Variants in STK3 observed in about 807,000 individuals in gnomAD.
The protein encoded by STK3 is serine/threonine-protein kinase 3.
In STK3, 41 loss-of-function variants were observed where a neutral mutation model predicts 58.0. The observed-to-expected ratio is 0.71, with a 90% CI of 0.55 to 0.92. STK3 has a LOEUF of 0.92. Ranked by LOEUF, STK3 falls within the 40% of genes least tolerant of loss-of-function variation. The probability of loss-of-function intolerance (pLI) is 0.00; values close to 1 mark genes in which losing one functional copy is unlikely to be tolerated. For missense variants in STK3, 479 were observed against 602.7 expected, an observed-to-expected ratio of 0.79 and a Z score of 2.15; for synonymous variants, 170 against 191.0, an observed-to-expected ratio of 0.89 and a Z score of 0.91.
chr8:98,390,267 A>G (rs535872394), upstream of STK3, among the ~76,000 whole-genome samples: 3 of 152,050 alleles, frequency 2.0e-5, no homozygotes, highest in Non-Finnish European at 4.4e-5. Context: ...TTTTATTTTA[A>G]CCTTCATTCC....
rs565799737 is a variant in STK3 at position 98,750,598 on chromosome 8, T to TA, written c.237-1209dup. Among the ~76,000 whole-genome samples, 1,016 of 151,178 alleles carry TA rather than the reference T, an allele frequency of 6.7e-3. 8 individuals carry two copies. Among genetic ancestry groups the TA allele is most frequent in the African/African-American group, 0.023 (952 of 41,212 alleles). On this transcript the variant is annotated intron_variant, in intron 3 of 10. Coordinates refer to ENST00000419617, the MANE Select transcript of STK3 (RefSeq NM_006281.4). ...TAGCTATGCTCTAACACTGAGGCAG[T>TA]AATAAACAGCCTACCATCCAAAAAA...
At chr8:98,784,243 G>C (rs1832308938) in intron 1 of STK3, among the ~76,000 whole-genome samples, 1 of 152,188 alleles carries the variant, frequency 6.6e-6, no homozygotes, top group African/African-American at 2.4e-5. Flanking sequence ...CAACCCAGTA[G>C]CATGGCCACA....
At chr8:98,778,301 A>G (rs1244266293) in intron 1 of STK3, among the ~76,000 whole-genome samples, 1 of 152,274 alleles carries the variant, frequency 6.6e-6, no homozygotes, top group Non-Finnish European at 1.5e-5. Context: ...ACTGACCATC[A>G]GAGAAATGCA....
intron 1 of STK3, among the ~76,000 whole-genome samples, chr8:98,901,093 AT>A (rs1348526396): frequency 6.6e-6 from 1 of 152,136 alleles, no homozygotes; most frequent in Non-Finnish European, 1.5e-5. Context: ...ATTCTGGAAT[AT>A]TTTTTTCTCC....
chr8:98,509,110 T>C (rs180898524), intron 10 of STK3, among the ~76,000 whole-genome samples: 77 of 152,152 alleles, frequency 5.1e-4, no homozygotes, highest in Non-Finnish European at 8.2e-4. Flanking sequence ...AGATTCAGCA[T>C]ATGATGAAAG....
chr8:98,654,569 G>C (rs996914908), intron 6 of STK3, among the ~76,000 whole-genome samples: 3 of 152,150 alleles, frequency 2.0e-5, no homozygotes, highest in African/African-American at 7.2e-5. Context: ...TGACATGATT[G>C]GATATCTAGA....
intron 6 of STK3, among the ~76,000 whole-genome samples, chr8:98,622,226 G>C (rs896423319): frequency 1.3e-5 from 2 of 150,860 alleles, no homozygotes; most frequent in Non-Finnish European, 2.9e-5. Context: ...CTGAGATTGC[G>C]CCACTGCACT....
At chr8:98,515,962 C>T (rs1824901830) in intron 10 of STK3, among the ~76,000 whole-genome samples, 1 of 152,040 alleles carries the variant, frequency 6.6e-6, no homozygotes, top group Non-Finnish European at 1.5e-5. Context: ...ATACTAAGAT[C>T]TCAATATGTG....
At chr8:98,598,405 C>G in intron 6 of STK3, 1 of 985,312 alleles carries the variant, frequency 1.0e-6, no homozygotes, top group Non-Finnish European at 1.2e-6. Context: ...AGCATGAACA[C>G]CGAGCATACA....
intron 1 of STK3, among the ~76,000 whole-genome samples, chr8:98,795,434 C>A (rs551612105): frequency 3.3e-5 from 5 of 151,112 alleles, no homozygotes; most frequent in African/African-American, 1.2e-4. Context: ...CAGCCAACAT[C>A]ATACTGAATA....
At chr8:98,889,809 G>A (rs1322214247) in intron 1 of STK3, 1 of 152,192 alleles carries the variant, frequency 6.6e-6, no homozygotes, top group African/African-American at 2.4e-5. Flanking sequence ...TTTGGAGGGG[G>A]TCCGAAGAAT....
intron 3 of STK3, among the ~76,000 whole-genome samples, chr8:98,850,380 G>T (rs547329774): frequency 6.6e-6 from 1 of 152,276 alleles, no homozygotes; most frequent in Admixed American, 6.5e-5. Context: ...TGGGTATTGG[G>T]CTGGGACAAG....
chr8:98,834,646 T>G (rs1835682082), intron 3 of STK3, among the ~76,000 whole-genome samples: 1 of 152,226 alleles, frequency 6.6e-6, no homozygotes, highest in Admixed American at 6.5e-5. Context: ...TTCCCCCGTG[T>G]CTTCACATGG....
At chr8:98,776,124 T>A (rs1185301270) in intron 1 of STK3, among the ~76,000 whole-genome samples, 2 of 152,138 alleles carry the variant, frequency 1.3e-5, no homozygotes, top group Non-Finnish European at 2.9e-5. Context: ...TTAGTGTTAG[T>A]TCCCCAGAAA....
chr8:98,619,526 G>A (rs1818069148), intron 6 of STK3, among the ~76,000 whole-genome samples: 1 of 135,130 alleles, frequency 7.4e-6, no homozygotes, highest in Admixed American at 7.4e-5. Flanking sequence ...GAGTGAACAG[G>A]CAACCTACAA....
At chr8:98,406,397 C>T (rs543432950) in intron 3 of STK3, among the ~76,000 whole-genome samples, 4 of 152,168 alleles carry the variant, frequency 2.6e-5, no homozygotes, top group South Asian at 2.1e-4. Context: ...GATCCCATCA[C>T]CCAGGTAGTG....
downstream of STK3, among the ~76,000 whole-genome samples, chr8:98,450,911 T>TG (rs1463783340): frequency 2.6e-5 from 4 of 152,310 alleles, no homozygotes; most frequent in East Asian, 7.7e-4. Flanking sequence ...TATTAGGCTA[T>TG]GTGGTCTAGC....
At chr8:98,847,546 C>T (rs1836255025) in intron 3 of STK3, among the ~76,000 whole-genome samples, 1 of 152,076 alleles carries the variant, frequency 6.6e-6, no homozygotes, top group Non-Finnish European at 1.5e-5. Flanking sequence ...GTCCCAACAC[C>T]CCAAGATCCA....
intron 4 of STK3, among the ~76,000 whole-genome samples, chr8:98,713,034 A>G (rs1826646587): frequency 6.6e-6 from 1 of 152,216 alleles, no homozygotes; most frequent in African/African-American, 2.4e-5. Flanking sequence ...CTAAATGACT[A>G]CTGGGTACAT....
Sources: allele counts gnomAD v4.1 joint callset (sites outside exome capture counted in the v4.1 genomes callset), GRCh38; gene constraint gnomAD v4.1.1; transcripts MANE v1.5; gene names NCBI Gene and HGNC (gene_info 2026-07-23, HGNC 2026-07-21).